The following SPOCK3 variants were observed in gnomAD, a reference collection of about 807,000 sequenced individuals.
SPOCK3 encodes testican-3.
SPOCK3 carries 30 observed loss-of-function variants against 56.6 expected under a neutral mutation model. That is an observed-to-expected ratio of 0.53 (90% CI 0.40 to 0.72). The LOEUF (loss-of-function observed/expected upper bound fraction) is 0.72. SPOCK3 is among the 30% of genes least tolerant of loss of function. The probability of loss-of-function intolerance (pLI) is 0.00; values close to 1 mark genes in which losing one functional copy is unlikely to be tolerated. For synonymous variants in SPOCK3, 196 were observed against 183.3 expected (o/e 1.07, Z -0.56); for missense variants, 527 against 530.0 (o/e 0.99, Z 0.06).
At chr4:166,770,559 C>T (rs1002764449) in intron 7 of SPOCK3, among the ~76,000 whole-genome samples, 3 of 151,494 alleles carry the variant, frequency 2.0e-5, no homozygotes, top group African/African-American at 7.3e-5. Context: ...AAATGTGAAT[C>T]GTGAAAAAAT....
chr4:166,991,437 TTGGCTCACTTTAACATTTGCCTCCC>T (rs1418793842), intron 4 of SPOCK3, among the ~76,000 whole-genome samples: 1 of 152,044 alleles, frequency 6.6e-6, no homozygotes, highest in Non-Finnish European at 1.5e-5. Flanking sequence ...TGGCACGATC[TTGGCTCACTTTAACATTTGCCTCCC>T]TGGCTCAGTG....
At chr4:166,771,954 G>C (rs562605536) in intron 7 of SPOCK3, among the ~76,000 whole-genome samples, 3 of 151,768 alleles carry the variant, frequency 2.0e-5, no homozygotes, top group Non-Finnish European at 2.9e-5. Flanking sequence ...TGTTTTTATA[G>C]TTCTTAGCAT....
intron 6 of SPOCK3, among the ~76,000 whole-genome samples, chr4:166,811,566 C>T (rs1176218959): frequency 1.3e-5 from 2 of 151,686 alleles, no homozygotes; most frequent in Non-Finnish European, 2.9e-5. Flanking sequence ...TGATTAGAGA[C>T]CATGGAATGA....
At chr4:166,854,516 C>T (rs778156947) in intron 6 of SPOCK3, among the ~76,000 whole-genome samples, 2 of 152,192 alleles carry the variant, frequency 1.3e-5, no homozygotes, top group Non-Finnish European at 2.9e-5. Flanking sequence ...ACAGCCTCAT[C>T]ATCAGCTATA....
intron 9 of SPOCK3, among the ~76,000 whole-genome samples, chr4:166,738,123 G>A (rs1484792865): frequency 6.6e-6 from 1 of 152,074 alleles, no homozygotes; most frequent in Non-Finnish European, 1.5e-5. Context: ...GTCGACTAGA[G>A]TCTCTCTCCT....
At chr4:166,994,656 C>A (rs1748166500) in intron 4 of SPOCK3, among the ~76,000 whole-genome samples, 1 of 152,036 alleles carries the variant, frequency 6.6e-6, no homozygotes, top group African/African-American at 2.4e-5. Flanking sequence ...TTGTGTACTT[C>A]AAAAATAAAG....
intron 5 of SPOCK3, among the ~76,000 whole-genome samples, chr4:166,908,829 G>A (rs1736923985): frequency 6.6e-6 from 1 of 151,998 alleles, no homozygotes; most frequent in South Asian, 2.1e-4. Context: ...AACATTCCTA[G>A]TTCTTACCGC....
At position 167,231,962 on chromosome 4, in the gene SPOCK3, A is replaced by G. The variant is rs548237544; in HGVS notation, c.189+2023T>C. Among the ~76,000 whole-genome samples the G allele has an allele frequency of 5.7e-4, 86 of 152,162 alleles. 1 individual carries two copies. Among genetic ancestry groups the G allele is most frequent in the Non-Finnish European group, 1.2e-4 (8 of 68,004 alleles). On this transcript the variant is annotated intron_variant, in intron 2 of 10. Transcript: ENST00000357545. ...TTTTAGGTGTTGCATATACTTCAAA[A>G]CAGATATTTGCATAAAATGTATCAG...
At chr4:167,021,160 A>G (rs1751133560) in intron 3 of SPOCK3, among the ~76,000 whole-genome samples, 1 of 152,098 alleles carries the variant, frequency 6.6e-6, no homozygotes, top group Non-Finnish European at 1.5e-5. Context: ...TAAAATGCTC[A>G]GACTTTTAAA....
At chr4:166,886,957 G>A (rs1734261402) in intron 6 of SPOCK3, among the ~76,000 whole-genome samples, 1 of 152,094 alleles carries the variant, frequency 6.6e-6, no homozygotes, top group African/African-American at 2.4e-5. Context: ...TACTTGCGTT[G>A]CCCTGACAAT....
chr4:166,742,330 C>G (rs1734960393), intron 8 of SPOCK3, among the ~76,000 whole-genome samples: 1 of 151,954 alleles, frequency 6.6e-6, no homozygotes, highest in Non-Finnish European at 1.5e-5. Context: ...TCCTAATTGT[C>G]AATATATCAC....
intron 4 of SPOCK3, among the ~76,000 whole-genome samples, chr4:166,992,017 G>C (rs1331950697): frequency 6.6e-6 from 1 of 152,152 alleles, no homozygotes; most frequent in East Asian, 1.9e-4. Flanking sequence ...TAAATTATGG[G>C]ATAGTCTTGT....
rs146994682 is a variant in SPOCK3, at chr4:167,156,742, C to T, written c.189+77243G>A. 4.2e-3 allele frequency among the ~76,000 whole-genome samples: 646 copies of T among 152,180 alleles called. 2 individuals are homozygous for T. Among genetic ancestry groups the T allele is most frequent in the Non-Finnish European group, 7.6e-3 (519 of 68,002 alleles). ...GAGCCCTAAAGCATGATCAGCTATGCCAATCCCATGGTAAGCATTGACAGC... is the reference window on the plus strand; with the variant it reads ...GAGCCCTAAAGCATGATCAGCTATGTCAATCCCATGGTAAGCATTGACAGC... On this transcript the variant is annotated intron_variant, in intron 2 of 10. Coordinates refer to ENST00000357545, the MANE Select transcript of SPOCK3 (RefSeq NM_001040159.2).
chr4:166,984,782 ATACAAT>A (rs1746959074), intron 4 of SPOCK3, among the ~76,000 whole-genome samples: 1 of 152,146 alleles, frequency 6.6e-6, no homozygotes, highest in Admixed American at 6.5e-5. Flanking sequence ...TTGTTTGTCT[ATACAAT>A]TAACTACAGA....
At chr4:167,020,554 C>A (rs1365946) in intron 3 of SPOCK3, among the ~76,000 whole-genome samples, 3,555 of 152,100 alleles carry the variant, frequency 0.023, 147 homozygotes, top group African/African-American at 0.081. Context: ...ACTCTTCTGC[C>A]ATGTGAGAAC....
At chr4:167,003,354 A>G (rs1176095501) in intron 3 of SPOCK3, among the ~76,000 whole-genome samples, 1 of 152,210 alleles carries the variant, frequency 6.6e-6, no homozygotes, top group African/African-American at 2.4e-5. Flanking sequence ...TAACAAAAAG[A>G]CCACTTTCTG....
chr4:166,909,360 C>T (rs570211927), intron 5 of SPOCK3, among the ~76,000 whole-genome samples: 18 of 152,064 alleles, frequency 1.2e-4, no homozygotes, highest in African/African-American at 3.4e-4. Flanking sequence ...TCTGATATTC[C>T]TCTTTCCCAC....
intron 4 of SPOCK3, among the ~76,000 whole-genome samples, chr4:166,946,277 CT>C (rs1404486793): frequency 6.6e-6 from 1 of 152,280 alleles, no homozygotes; most frequent in Non-Finnish European, 1.5e-5. Context: ...GTTTAAGACC[CT>C]GCAATGGCTC....
intron 4 of SPOCK3, among the ~76,000 whole-genome samples, chr4:166,948,516 CCAA>C (rs1742070013): frequency 6.6e-6 from 1 of 152,108 alleles, no homozygotes; most frequent in African/African-American, 2.4e-5. Context: ...CACTTCCTCA[CCAA>C]CATTTTTTTT....
Sources: gnomAD v4.1 joint callset for allele counts (sites outside exome capture counted in the v4.1 genomes callset) on GRCh38, gnomAD v4.1.1 for gene constraint, MANE v1.5 for transcripts, NCBI Gene and HGNC (gene_info 2026-07-23, HGNC 2026-07-21) for gene names.